The following PCLO variants were observed in gnomAD, a reference collection of about 807,000 sequenced individuals.
PCLO encodes the protein protein piccolo.
PCLO carries 82 observed loss-of-function variants against 427.5 expected under a neutral mutation model. The ratio of observed to expected loss-of-function variants is 0.19; its 90% CI spans 0.16 to 0.23. The LOEUF is 0.23. Ranked by LOEUF, PCLO falls within the 10% of genes least tolerant of loss-of-function variation. PCLO has a pLI of 1.00. For synonymous variants in PCLO, 2,357 were observed against 2,155.4 expected (o/e 1.09, Z -2.59); for missense variants, 6,239 against 6,115.9 (o/e 1.02, Z -0.67).
chr7:82,916,786 T>A lies in PCLO; in HGVS notation c.11200A>T (p.Thr3734Ser). ...GTGCTGAATGTGGATTGAGTTCCTGTGGAAATCTCCTCAGGAGGTGGATTT... is the reference window on the plus strand; with the variant it reads ...GTGCTGAATGTGGATTGAGTTCCTGAGGAAATCTCCTCAGGAGGTGGATTT... ...LPNPPPEEIS[T>S]GTQSTFSTMG... The change falls in exon 7 of 25, where the codon ACA becomes TCA. Residue 3734 changes from threonine (T) to serine (S), a missense_variant. Around this residue, in one of 5 missense-constraint regions of PCLO, gnomAD observed 4,677 missense variants for 4,468.4 expected, o/e 1.05. Transcript: ENST00000333891. 1 of 1,613,536 alleles carries A rather than the reference T, an allele frequency of 6.2e-7. No individual in the cohort carries two copies. Among genetic ancestry groups the A allele is most frequent in the Non-Finnish European group, 8.5e-7 (1 of 1,179,540 alleles).
chr7:83,009,646 G>T (rs149280754), intron 3 of PCLO, among the ~76,000 whole-genome samples: 173 of 151,732 alleles, frequency 1.1e-3, no homozygotes, highest in African/African-American at 4.0e-3. Context: ...ATGACTTCTT[G>T]ATATAAGCTA....
intron 3 of PCLO, among the ~76,000 whole-genome samples, chr7:83,014,204 C>T (rs1209097791): frequency 6.6e-6 from 1 of 152,066 alleles, no homozygotes; most frequent in Non-Finnish European, 1.5e-5. Context: ...CAAAACAAGT[C>T]AGTAAATGAA....
intron 6 of PCLO, among the ~76,000 whole-genome samples, chr7:82,920,227 A>G (rs1420263547): frequency 6.6e-6 from 1 of 151,822 alleles, no homozygotes; most frequent in Non-Finnish European, 1.5e-5. Context: ...GCAATACAAT[A>G]TAATTTATTT....
chr7:82,836,557 A>G (rs1792237930), intron 15 of PCLO, among the ~76,000 whole-genome samples: 2 of 152,202 alleles, frequency 1.3e-5, no homozygotes, highest in Admixed American at 1.3e-4. Flanking sequence ...TGTTCAATAA[A>G]GTAAAACTAG....
In PCLO at chr7:83,124,904, G is replaced by A. The variant is rs935237373; in HGVS notation, c.3300+9346C>T. 1.5e-4 allele frequency among the ~76,000 whole-genome samples: 23 copies of A among 152,214 alleles called. 1 individual carries two copies. The highest frequency in any genetic ancestry group is 5.1e-4 in the African/African-American group (21 of 41,554). The stretch of plus-strand genomic sequence containing the variant: ...CGAGTGCCTGGGATTGCAGGCGCAC[G>A]CCGCCACGCCTGACTGGTTTTTGCA... On this transcript the variant is annotated intron_variant, in intron 3 of 24. Coordinates refer to ENST00000333891, the MANE Select transcript of PCLO (RefSeq NM_033026.6).
At chr7:82,798,464 C>G (rs974029616) in intron 22 of PCLO, among the ~76,000 whole-genome samples, 1 of 152,126 alleles carries the variant, frequency 6.6e-6, no homozygotes, top group Non-Finnish European at 1.5e-5. Flanking sequence ...TCACTCAAAA[C>G]AAACAAAACA....
intron 3 of PCLO, among the ~76,000 whole-genome samples, chr7:82,998,397 C>A (rs1162374796): frequency 8.9e-5 from 2 of 22,380 alleles, no homozygotes; most frequent in Non-Finnish European, 1.5e-4. Context: ...TTAAAAACAA[C>A]AACAACAACA....
Position 82,755,709 on chromosome 7 carries a change from G to A in PCLO, c.*2866C>T, listed in dbSNP as rs2129467377. Reference sequence around the variant, plus strand: ...AATAAACTAAAGAGTGAAAAACCATGTACTGTGATATGTACAAAAAAGTAA... The same window carrying A: ...AATAAACTAAAGAGTGAAAAACCATATACTGTGATATGTACAAAAAAGTAA... On this transcript the variant is annotated 3_prime_UTR_variant, in exon 25 of 25. Coordinates refer to ENST00000333891, the MANE Select transcript of PCLO (RefSeq NM_033026.6). 6.6e-6 allele frequency: 1 copy of A among 152,158 alleles called. No homozygotes were observed. The highest frequency in any genetic ancestry group is 2.1e-4 in the South Asian group (1 of 4,822). The allele number at this position is 152,158 out of a possible 1,614,324, so 9.4% of individuals were successfully genotyped here.
At chr7:83,077,939 T>C (rs1019707173) in intron 3 of PCLO, among the ~76,000 whole-genome samples, 17 of 152,116 alleles carry the variant, frequency 1.1e-4, no homozygotes, top group East Asian at 7.8e-4. Context: ...CTCTCAACAA[T>C]TGATTGATGG....
At chr7:82,854,282 A>G (rs945625493) in intron 10 of PCLO, among the ~76,000 whole-genome samples, 3 of 152,104 alleles carry the variant, frequency 2.0e-5, no homozygotes, top group Non-Finnish European at 4.4e-5. Context: ...TGGGACATCC[A>G]ATCTGCAGTC....
At position 83,125,206 on chromosome 7, in the gene PCLO, C is replaced by T. The variant is rs554771686; in HGVS notation, c.3300+9044G>A. On this transcript the variant is annotated intron_variant, in intron 3 of 24. Coordinates refer to ENST00000333891, the MANE Select transcript of PCLO (RefSeq NM_033026.6). ...CTAGGAAGTGAGGAGCCTCTCTGCCCGGCCGCCCATTGTCTGGGATGTGAG... is the reference window on the plus strand; with the variant it reads ...CTAGGAAGTGAGGAGCCTCTCTGCCTGGCCGCCCATTGTCTGGGATGTGAG... Among the ~76,000 whole-genome samples, 174 of 152,096 alleles carry T rather than the reference C, an allele frequency of 1.1e-3. 1 individual carries two copies. Among genetic ancestry groups the T allele is most frequent in the Admixed American group, 5.0e-3 (76 of 15,290 alleles).
chr7:82,993,549 TAAC>T (rs1432893595), intron 3 of PCLO, among the ~76,000 whole-genome samples: 3 of 152,042 alleles, frequency 2.0e-5, no homozygotes, highest in Admixed American at 6.6e-5. Context: ...TGGAAATAAT[TAAC>T]AAGCAGCAAA....
chr7:82,921,375 T>C (rs911066407), intron 6 of PCLO, among the ~76,000 whole-genome samples: 66 of 151,934 alleles, frequency 4.3e-4, no homozygotes, highest in African/African-American at 1.5e-3. Context: ...CAAAACAGCA[T>C]GAAATGGGTA....
chr7:83,034,697 T>C (rs1788753118), intron 3 of PCLO, among the ~76,000 whole-genome samples: 1 of 152,208 alleles, frequency 6.6e-6, no homozygotes. Flanking sequence ...TTGACCATAT[T>C]TGTGATTTAA....
chr7:82,771,081 T>C (rs1327589463), intron 22 of PCLO, among the ~76,000 whole-genome samples: 1 of 151,922 alleles, frequency 6.6e-6, no homozygotes, highest in Non-Finnish European at 1.5e-5. Flanking sequence ...GTAACTATTT[T>C]ATTCTATAGT....
chr7:82,926,500 A>G (rs1450522846), intron 6 of PCLO, among the ~76,000 whole-genome samples: 1 of 152,246 alleles, frequency 6.6e-6, no homozygotes, highest in Non-Finnish European at 1.5e-5. Context: ...TAAAAGTCGT[A>G]CATGTATAAG....
In PCLO at chr7:82,966,132, T is replaced by C. The variant is rs757563276; in HGVS notation, c.3656A>G (p.Lys1219Arg). 1 of 1,605,762 alleles carries C rather than the reference T, an allele frequency of 6.2e-7. No individual in the cohort carries two copies. The highest frequency in any genetic ancestry group is 8.5e-7 in the Non-Finnish European group (1 of 1,177,898). Residue 1219 changes from lysine to arginine, a missense_variant, in exon 4 of 25, where the codon AAA becomes AGA. Physicochemically the swap from Lys to Arg is conservative, Grantham distance 26 (BLOSUM62 2). Around this residue, in one of 5 missense-constraint regions of PCLO, gnomAD observed 4,677 missense variants for 4,468.4 expected, o/e 1.05. Coordinates refer to ENST00000333891, the MANE Select transcript of PCLO (RefSeq NM_033026.6). Reference sequence around the variant, plus strand: ...TATCTTTTCTTCTTCAGGGATTAGTTTTTTTTCTTCAGGGAGTGGCTTTTT... The same window carrying C: ...TATCTTTTCTTCTTCAGGGATTAGTCTTTTTTCTTCAGGGAGTGGCTTTTT... The part of the protein sequence containing the change: ...QEKKPLPEEK[K>R]LIPEEEKIRS...
chr7:83,068,626 C>T (rs1234029870), intron 3 of PCLO, among the ~76,000 whole-genome samples: 1 of 152,072 alleles, frequency 6.6e-6, no homozygotes, highest in Non-Finnish European at 1.5e-5. Context: ...GAAGACAAGA[C>T]ATATGTTTTG....
At chr7:83,045,769 A>T (rs1583952064) in intron 3 of PCLO, among the ~76,000 whole-genome samples, 1 of 152,144 alleles carries the variant, frequency 6.6e-6, no homozygotes, top group African/African-American at 2.4e-5. Flanking sequence ...CACCAAAATG[A>T]TGGTTGTATA....
Sources: gnomAD v4.1 joint callset for allele counts (sites outside exome capture counted in the v4.1 genomes callset) on GRCh38, gnomAD v4.1.1 for gene constraint, gnomAD v4.1.1 regional missense constraint, MANE v1.5 for transcripts, NCBI Gene and HGNC (gene_info 2026-07-23, HGNC 2026-07-21) for gene names.